The following ZFHX3 variants were observed in gnomAD, a reference collection of about 807,000 sequenced individuals.
The protein encoded by ZFHX3 is zinc finger homeobox protein 3.
ZFHX3 carries 42 observed loss-of-function variants against 279.1 expected under a neutral mutation model. That is an observed-to-expected ratio of 0.15 (90% CI 0.12 to 0.19). ZFHX3 has a LOEUF of 0.19. Among genes scored for constraint, ZFHX3 ranks in the 10% least tolerant of loss-of-function variants. The pLI is 1.00. For synonymous variants in ZFHX3, 2,293 were observed against 1,957.8 expected (o/e 1.17, Z -4.52); for missense variants, 4,981 against 4,754.0 (o/e 1.05, Z -1.40).
upstream of ZFHX3, among the ~76,000 whole-genome samples, chr16:73,063,682 T>C (rs1965713992): frequency 6.6e-6 from 1 of 152,072 alleles, no homozygotes; most frequent in Admixed American, 6.5e-5. Context: ...TGCTAGACCC[T>C]CAGACTCCTG....
rs915517939 is a variant in ZFHX3, at chr16:72,959,609, G to A, written c.537C>T (p.Gly179=). 2 of 1,614,114 alleles carry A rather than the reference G, an allele frequency of 1.2e-6. No individual in the cohort carries two copies. The highest frequency in any genetic ancestry group is 1.7e-6 in the Non-Finnish European group (2 of 1,180,028). ...LFLNSLPGAG[G]KQGDPSCAAP... Reference sequence around the variant, plus strand: ...CAGCACACGAAGGGTCCCCTTGCTTGCCCCCCGCGCCAGGGAGAGAGTTCA... The same window carrying A: ...CAGCACACGAAGGGTCCCCTTGCTTACCCCCCGCGCCAGGGAGAGAGTTCA... Residue 179 remains glycine (G), a synonymous_variant, in exon 2 of 10, where the codon GGC becomes GGT. Transcript: ENST00000268489.
At chr16:73,707,095 C>T (rs1422715063) in intron 1 of ZFHX3, among the ~76,000 whole-genome samples, 1 of 152,200 alleles carries the variant, frequency 6.6e-6, no homozygotes, top group Non-Finnish European at 1.5e-5. Context: ...TTGAATTCAT[C>T]AAAGATTTTT....
chr16:73,463,522 AT>A (rs1368975438), intron 2 of ZFHX3, among the ~76,000 whole-genome samples: 5 of 152,058 alleles, frequency 3.3e-5, no homozygotes, highest in African/African-American at 1.2e-4. Flanking sequence ...TGTGCTTTTC[AT>A]TTTGTTTGCT....
intron 2 of ZFHX3, among the ~76,000 whole-genome samples, chr16:73,500,831 G>C (rs968038214): frequency 1.3e-5 from 2 of 152,022 alleles, no homozygotes; most frequent in African/African-American, 4.8e-5. Flanking sequence ...GTTATAGTAA[G>C]CTAAAGTGAA....
chr16:72,815,552 ACTTCAGTTCTGT>A (rs1362868922), intron 5 of ZFHX3, among the ~76,000 whole-genome samples: 5 of 152,200 alleles, frequency 3.3e-5, no homozygotes, highest in Non-Finnish European at 7.3e-5. Flanking sequence ...ATCAATTTCT[ACTTCAGTTCTGT>A]CACTAGCATA....
intron 1 of ZFHX3, among the ~76,000 whole-genome samples, chr16:73,788,002 T>C (rs1959705093): frequency 6.6e-6 from 1 of 151,830 alleles, no homozygotes; most frequent in South Asian, 2.1e-4. Flanking sequence ...TTTGCAGAGG[T>C]GCAAGCTGAG....
At chr16:73,533,362 C>T (rs1326794093) in intron 2 of ZFHX3, among the ~76,000 whole-genome samples, 1 of 150,300 alleles carries the variant, frequency 6.7e-6, no homozygotes, top group African/African-American at 2.5e-5. Context: ...AACCACTCAT[C>T]CTCTTATCTG....
intron 1 of ZFHX3, among the ~76,000 whole-genome samples, chr16:73,018,557 C>G (rs1013575540): frequency 6.6e-6 from 1 of 152,098 alleles, no homozygotes; most frequent in Non-Finnish European, 1.5e-5. Context: ...CAAAATCACA[C>G]CACTGCACTC....
chr16:73,187,867 T>G (rs1330567178), intron 5 of ZFHX3, among the ~76,000 whole-genome samples: 1 of 150,322 alleles, frequency 6.7e-6, no homozygotes, highest in Non-Finnish European at 1.5e-5. Flanking sequence ...AGTTTGGAAC[T>G]TTTTTTTTTG....
intron 3 of ZFHX3, among the ~76,000 whole-genome samples, chr16:73,371,067 A>G (rs2016619364): frequency 6.6e-6 from 1 of 151,980 alleles, no homozygotes. Flanking sequence ...CATGGCTGTA[A>G]TCCCAGCACT....
At chr16:73,543,407 A>G (rs1713942023) in intron 2 of ZFHX3, among the ~76,000 whole-genome samples, 1 of 152,194 alleles carries the variant, frequency 6.6e-6, no homozygotes, top group African/African-American at 2.4e-5. Flanking sequence ...GGAGCTGTGC[A>G]TCTCGGCCTG....
At chr16:73,852,282 C>A (rs72805040) in intron 1 of ZFHX3, among the ~76,000 whole-genome samples, 2,161 of 152,280 alleles carry the variant, frequency 0.014, 35 homozygotes, top group Non-Finnish European at 0.024. Flanking sequence ...CTTCATCAGT[C>A]CTCATTTGCA....
intron 1 of ZFHX3, among the ~76,000 whole-genome samples, chr16:73,690,240 T>C (rs2053135479): frequency 1.3e-5 from 2 of 152,088 alleles, no homozygotes; most frequent in South Asian, 4.2e-4. Flanking sequence ...TTTACATCCA[T>C]CCCAAGAATC....
At position 73,564,757 on chromosome 16, in the gene ZFHX3, C is replaced by G. The variant is rs116018084; in HGVS notation, c.-1546-108499G>C. ...AATTGTACCACTGAGGTCTCTACAC[C>G]TAGTGTTCAAGTCTGCTCAGGTTAT... On this transcript the variant is annotated intron_variant, in intron 2 of 17. Transcript: ENST00000641206. 5.9e-3 allele frequency among the ~76,000 whole-genome samples: 892 copies of G among 152,280 alleles called. 8 individuals carry two copies. The highest frequency in any genetic ancestry group is 0.02 in the African/African-American group (850 of 41,558).
chr16:73,530,406 G>A (rs1302325584), intron 2 of ZFHX3, among the ~76,000 whole-genome samples: 1 of 152,150 alleles, frequency 6.6e-6, no homozygotes, highest in Non-Finnish European at 1.5e-5. Context: ...CCTCCTCTAA[G>A]CAGCTCAGGT....
At chr16:72,939,313 T>C (rs924136131) in intron 3 of ZFHX3, among the ~76,000 whole-genome samples, 5 of 152,138 alleles carry the variant, frequency 3.3e-5, no homozygotes, top group African/African-American at 1.2e-4. Context: ...AGAACCTTCC[T>C]GGGCCTGCGA....
intron 3 of ZFHX3, among the ~76,000 whole-genome samples, chr16:73,323,972 A>T (rs1444611167): frequency 6.6e-6 from 1 of 152,234 alleles, no homozygotes; most frequent in African/African-American, 2.4e-5. Flanking sequence ...GGGAGCCATG[A>T]CTGCTTACTG....
chr16:72,826,755 T>C (rs1024188213), intron 5 of ZFHX3, among the ~76,000 whole-genome samples: 15 of 152,236 alleles, frequency 9.9e-5, no homozygotes, highest in African/African-American at 3.4e-4. Context: ...CAATCACTCA[T>C]TCATTCATTT....
chr16:73,628,393 T>G (rs754336542), intron 2 of ZFHX3, among the ~76,000 whole-genome samples: 7 of 152,198 alleles, frequency 4.6e-5, no homozygotes, highest in Non-Finnish European at 8.8e-5. Context: ...CTTACAGAAA[T>G]AGTCTGCAGA....
Sources: allele counts gnomAD v4.1 joint callset (sites outside exome capture counted in the v4.1 genomes callset), GRCh38; gene constraint gnomAD v4.1.1; transcripts MANE v1.5; gene names NCBI Gene and HGNC (gene_info 2026-07-23, HGNC 2026-07-21).